Variants in CACNA1C observed in about 807,000 individuals in gnomAD.
CACNA1C encodes voltage-dependent L-type calcium channel subunit alpha-1C.
In CACNA1C, 30 loss-of-function variants were observed where a neutral mutation model predicts 229.0. That is an observed-to-expected ratio of 0.13 (90% CI 0.10 to 0.18). The LOEUF is 0.18. Ranked by LOEUF, CACNA1C falls within the 10% of genes least tolerant of loss-of-function variation. The pLI, the probability that CACNA1C is intolerant of heterozygous loss-of-function variation, is 1.00. For missense variants in CACNA1C, 1,658 were observed against 2,845.0 expected, an observed-to-expected ratio of 0.58 and a Z score of 9.49; for synonymous variants, 1,114 against 1,132.5, an observed-to-expected ratio of 0.98 and a Z score of 0.33.
chr12:2,260,301 C>A (rs2079570196), intron 3 of CACNA1C, among the ~76,000 whole-genome samples: 1 of 151,766 alleles, frequency 6.6e-6, no homozygotes. Context: ...GATGGTGGGA[C>A]CTTGTCTCTA....
intron 3 of CACNA1C, among the ~76,000 whole-genome samples, chr12:2,344,541 C>T (rs1006943172): frequency 2.6e-5 from 4 of 152,134 alleles, no homozygotes; most frequent in African/African-American, 9.7e-5. Flanking sequence ...TTTTTGAGTG[C>T]TTATCATTCC....
intron 29 of CACNA1C, among the ~76,000 whole-genome samples, chr12:2,624,115 G>A (rs113025976): frequency 1.1e-3 from 171 of 152,318 alleles, no homozygotes; most frequent in African/African-American, 3.9e-3. Flanking sequence ...TTGGAGGATG[G>A]GGTCCTTGTT....
chr12:2,294,331 G>A (rs2093805791), intron 3 of CACNA1C, among the ~76,000 whole-genome samples: 1 of 151,868 alleles, frequency 6.6e-6, no homozygotes, highest in African/African-American at 2.4e-5. Context: ...ATGAGGCACG[G>A]GTACGGTTGT....
At chr12:2,559,847 G>A (rs1351635516) in intron 11 of CACNA1C, among the ~76,000 whole-genome samples, 2 of 152,148 alleles carry the variant, frequency 1.3e-5, no homozygotes, top group South Asian at 2.1e-4. Flanking sequence ...TATAGTGCAA[G>A]CCACATATGT....
chr12:2,376,441 T>C (rs1054503564), intron 3 of CACNA1C, among the ~76,000 whole-genome samples: 1 of 152,160 alleles, frequency 6.6e-6, no homozygotes, highest in African/African-American at 2.4e-5. Flanking sequence ...CCCACCTTTG[T>C]ATCCCCAGCA....
chr12:2,500,208 A>G (rs1229568141), intron 7 of CACNA1C, among the ~76,000 whole-genome samples: 2 of 152,198 alleles, frequency 1.3e-5, no homozygotes, highest in Non-Finnish European at 2.9e-5. Flanking sequence ...GGACCAAAGC[A>G]GCAGTGTGGG....
intron 3 of CACNA1C, among the ~76,000 whole-genome samples, chr12:2,282,874 A>G (rs1020810960): frequency 1.1e-4 from 16 of 152,084 alleles, no homozygotes; most frequent in African/African-American, 3.9e-4. Context: ...CTCTCTTTCC[A>G]CTTCCTTATA....
intron 9 of CACNA1C, among the ~76,000 whole-genome samples, chr12:2,531,885 C>T (rs773360754): frequency 6.6e-6 from 1 of 152,164 alleles, no homozygotes; most frequent in Non-Finnish European, 1.5e-5. Flanking sequence ...ACCTTCACTA[C>T]GGAGTCTCTC....
intron 1 of CACNA1C, among the ~76,000 whole-genome samples, chr12:2,090,587 G>A (rs1390729453): frequency 2.0e-5 from 3 of 152,046 alleles, no homozygotes; most frequent in Non-Finnish European, 2.9e-5. Context: ...CAAAGTGCTG[G>A]GATTACAGGC....
intron 29 of CACNA1C, among the ~76,000 whole-genome samples, chr12:2,622,335 C>A (rs2083717902): frequency 6.6e-6 from 1 of 152,132 alleles, no homozygotes; most frequent in Non-Finnish European, 1.5e-5. Context: ...TCCTTGGAAA[C>A]CACAGGGATG....
chr12:2,629,144 G>A (rs2088964415), intron 29 of CACNA1C, among the ~76,000 whole-genome samples: 1 of 152,170 alleles, frequency 6.6e-6, no homozygotes, highest in African/African-American at 2.4e-5. Context: ...TAAAGACAAC[G>A]GTGATGACGA....
intron 8 of CACNA1C, among the ~76,000 whole-genome samples, chr12:2,510,701 C>T (rs895740495): frequency 2.6e-5 from 4 of 152,298 alleles, no homozygotes; most frequent in Admixed American, 2.6e-4. Context: ...TGCAAAGTCA[C>T]TCAAAAGAGC....
intron 3 of CACNA1C, among the ~76,000 whole-genome samples, chr12:2,315,133 CT>C (rs2095623405): frequency 6.6e-6 from 1 of 152,190 alleles, no homozygotes; most frequent in Admixed American, 6.5e-5. Flanking sequence ...CCGGGTCACA[CT>C]TTCCCCCAAC....
At chr12:2,357,157 CCTT>C (rs1693450737) in intron 3 of CACNA1C, among the ~76,000 whole-genome samples, 1 of 152,202 alleles carries the variant, frequency 6.6e-6, no homozygotes, top group African/African-American at 2.4e-5. Flanking sequence ...GTGAGGCTTT[CCTT>C]CTTTCCAAGA....
At chr12:2,373,532 G>A (rs2097927520) in intron 3 of CACNA1C, among the ~76,000 whole-genome samples, 1 of 152,148 alleles carries the variant, frequency 6.6e-6, no homozygotes, top group South Asian at 2.1e-4. Flanking sequence ...GCAGCATGCA[G>A]AGGCCAGCAT....
rs2099565256 is a variant in CACNA1C at position 2,467,594 on chromosome 12, G to A, written c.757+9888G>A. 6.6e-6 allele frequency among the ~76,000 whole-genome samples: 1 copy of A among 152,198 alleles called. No individual in the cohort carries two copies. The highest frequency in any genetic ancestry group is 1.5e-5 in the Non-Finnish European group (1 of 68,028). On this transcript the variant is annotated intron_variant, in intron 5 of 46. Transcript: ENST00000399655. The surrounding 1 kb of genome is among the most constrained non-coding windows in gnomAD (Gnocchi z 4.6). ...GGAGGGCAGCCAGAGACAGCAGGGG[G>A]TGGCGGGGGGCCCTTCACACTGCAG...
At chr12:2,642,920 A>T (rs946249173) in intron 30 of CACNA1C, among the ~76,000 whole-genome samples, 6 of 152,252 alleles carry the variant, frequency 3.9e-5, no homozygotes, top group African/African-American at 7.2e-5. Flanking sequence ...GGGAGCCATC[A>T]GGCTGCACAT....
In CACNA1C at chr12:2,584,592, GAGA is replaced by G. The variant is rs786205771; in HGVS notation, c.2317_2319del (p.Lys773del). 6.2e-7 allele frequency: 1 copy of G among 1,613,210 alleles called. No homozygotes were observed. The highest frequency in any genetic ancestry group is 8.5e-7 in the Non-Finnish European group (1 of 1,179,386). Reference sequence around the variant, plus strand: ...ATCTGCCCAAAAGGAGGAGGAAGAGGAGAAGGAGAGAAAGAAGCTGGCCAGGTA... The same window carrying G: ...ATCTGCCCAAAAGGAGGAGGAAGAGGAGGAGAGAAAGAAGCTGGCCAGGTA... On this transcript the variant is annotated inframe_deletion, in exon 16 of 47. Coordinates refer to ENST00000399655, the MANE Select transcript of CACNA1C (RefSeq NM_000719.7).
intron 7 of CACNA1C, among the ~76,000 whole-genome samples, chr12:2,497,380 A>G (rs2099748799): frequency 6.6e-6 from 1 of 152,212 alleles, no homozygotes; most frequent in Admixed American, 6.5e-5. Flanking sequence ...GGCCACTGAT[A>G]GGGGTTGGGG....
Sources: allele counts gnomAD v4.1 joint callset (sites outside exome capture counted in the v4.1 genomes callset), GRCh38; gene constraint gnomAD v4.1.1; non-coding constraint Gnocchi (gnomAD v3.1); transcripts MANE v1.5; gene names NCBI Gene and HGNC (gene_info 2026-07-23, HGNC 2026-07-21).